ZBBX: variants seen among roughly 807,000 people sequenced by gnomAD.
ZBBX encodes the protein zinc finger B-box domain containing.
A neutral mutation model predicts 108.5 loss-of-function variants in ZBBX; 101 were observed. The observed-to-expected ratio is 0.93, with a 90% CI of 0.79 to 1.10. ZBBX has a LOEUF of 1.10. Ranked by LOEUF, ZBBX falls within the 50% of genes least tolerant of loss-of-function variation. The probability of loss-of-function intolerance (pLI) is 0.00; values close to 1 mark genes in which losing one functional copy is unlikely to be tolerated. For synonymous variants in ZBBX, 356 were observed against 323.4 expected, an observed-to-expected ratio of 1.10 and a Z score of -1.08; for missense variants, 1,009 against 941.4, an observed-to-expected ratio of 1.07 and a Z score of -0.94.
At chr3:167,222,932 AAGACTT>A in the ZBBX span, among the ~76,000 whole-genome samples, 1 of 151,960 alleles carries the variant, frequency 6.6e-6, no homozygotes, top group Non-Finnish European at 1.5e-5. Flanking sequence ...AAATAGCTAC[AAGACTT>A]AGAATGTTGC....
chr3:167,226,997 G>T, the ZBBX span, among the ~76,000 whole-genome samples: 7 of 151,868 alleles, frequency 4.6e-5, no homozygotes, highest in East Asian at 1.2e-3. Context: ...GATATGAGTT[G>T]TATCTATCCA....
rs2108402751 is a variant in ZBBX, at chr3:167,333,841, T to C, written c.673A>G (p.Arg225Gly). ...QHKPKSVLLQ[R>G]SSSEVEITTM... ...CCTCAGTTTACCTCAGAGCTGCTCC[T>C]CTGGAGAAGTACAGATTTGGGTTTA... Residue 225 changes from arginine (R) to glycine (G), a missense_variant, in exon 10 of 22, where the codon AGG becomes GGG. Coordinates refer to ENST00000675490, the MANE Select transcript of ZBBX (RefSeq NM_001199201.2). The C allele has an allele frequency of 6.2e-7, 1 of 1,607,660 alleles. No individual in the cohort carries two copies. The highest frequency in any genetic ancestry group is 1.3e-5 in the African/African-American group (1 of 74,684).
At chr3:167,295,428 A>T (rs1731467729) in intron 18 of ZBBX, among the ~76,000 whole-genome samples, 1 of 152,036 alleles carries the variant, frequency 6.6e-6, no homozygotes, top group Non-Finnish European at 1.5e-5. Context: ...TTCTCAGCAA[A>T]CTATCACAAG....
the ZBBX span, among the ~76,000 whole-genome samples, chr3:167,207,457 C>T: frequency 3.3e-5 from 5 of 152,260 alleles, no homozygotes; most frequent in East Asian, 9.7e-4. Flanking sequence ...TCCAGTGCTG[C>T]CTCTATTATC....
the ZBBX span, among the ~76,000 whole-genome samples, chr3:167,213,047 C>T: frequency 7.2e-6 from 1 of 138,890 alleles, no homozygotes; most frequent in Admixed American, 7.1e-5. Flanking sequence ...TGACTGGGCT[C>T]AATCTACACT....
At chr3:167,379,954 TCATTTATC>T (rs1255830130) in intron 1 of ZBBX, among the ~76,000 whole-genome samples, 162 bp from the exon 2 acceptor site, 1 of 152,198 alleles carries the variant, frequency 6.6e-6, no homozygotes, top group Non-Finnish European at 1.5e-5. Context: ...CACTCTTGAT[TCATTTATC>T]CATTAGCATT....
chr3:167,274,829 C>T (rs920280278), intron 20 of ZBBX, among the ~76,000 whole-genome samples: 4 of 152,114 alleles, frequency 2.6e-5, no homozygotes, highest in Non-Finnish European at 5.9e-5. Context: ...GACCCCAGCC[C>T]ATGGGGGAAG....
intron 6 of ZBBX, 95 bp from the exon 7 acceptor site, chr3:167,360,818 C>T (rs542135220): frequency 8.1e-6 from 5 of 618,562 alleles, no homozygotes; most frequent in African/African-American, 7.8e-5. Flanking sequence ...AGCTTTGGTG[C>T]TTTTCGAACA....
At chr3:167,325,582 G>A (rs1158045497) in intron 11 of ZBBX, among the ~76,000 whole-genome samples, 1 of 152,058 alleles carries the variant, frequency 6.6e-6, no homozygotes, top group African/African-American at 2.4e-5. Context: ...CGTGGGCATT[G>A]CACTTCTTCA....
At chr3:167,326,719 C>T (rs1737446316) in intron 11 of ZBBX, among the ~76,000 whole-genome samples, 1 of 151,822 alleles carries the variant, frequency 6.6e-6, no homozygotes, top group Non-Finnish European at 1.5e-5. Context: ...ACTAAGAAGA[C>T]AGCATCCAAA....
chr3:167,201,305 A>T, the ZBBX span, among the ~76,000 whole-genome samples: 6 of 152,154 alleles, frequency 3.9e-5, no homozygotes, highest in Non-Finnish European at 7.4e-5. Context: ...TGGTATTTCT[A>T]CAACATATGT....
intron 20 of ZBBX, among the ~76,000 whole-genome samples, chr3:167,253,077 G>A (rs745496104): frequency 1.3e-5 from 2 of 152,046 alleles, no homozygotes; most frequent in Non-Finnish European, 1.5e-5. Flanking sequence ...ATGGATTATT[G>A]ACTTTTTCCT....
chr3:167,232,747 G>A, the ZBBX span, among the ~76,000 whole-genome samples: 1 of 151,810 alleles, frequency 6.6e-6, no homozygotes, highest in African/African-American at 2.4e-5. Context: ...TGATAACTTA[G>A]AGAACAAAAT....
intron 20 of ZBBX, chr3:167,248,483 C>G: frequency 7.4e-6 from 2 of 269,070 alleles, no homozygotes; most frequent in Admixed American, 4.0e-5. Flanking sequence ...AGAGGCGTCC[C>G]CCACCACCAA....
At chr3:167,345,250 C>T (rs1741233952) in intron 9 of ZBBX, among the ~76,000 whole-genome samples, 1 of 151,818 alleles carries the variant, frequency 6.6e-6, no homozygotes, top group South Asian at 2.1e-4. Flanking sequence ...AAGAGTCCTT[C>T]TCACAAGGTC....
At chr3:167,234,477 CTGTT>C in the ZBBX span, among the ~76,000 whole-genome samples, 2 of 151,794 alleles carry the variant, frequency 1.3e-5, no homozygotes, top group East Asian at 1.9e-4. Flanking sequence ...GAGGAGGTCT[CTGTT>C]TGTATAACTA....
chr3:167,314,516 A>T (rs1193320826), intron 15 of ZBBX, among the ~76,000 whole-genome samples: 2 of 152,212 alleles, frequency 1.3e-5, no homozygotes, highest in African/African-American at 4.8e-5. Context: ...ATGAGTTTAA[A>T]AGCAGTATGT....
chr3:167,288,320 C>T (rs1576899836), intron 19 of ZBBX, among the ~76,000 whole-genome samples: 1 of 152,034 alleles, frequency 6.6e-6, no homozygotes, highest in African/African-American at 2.4e-5. Context: ...AAGAATTATT[C>T]TATGGAAAAT....
At chr3:167,331,033 G>C in intron 10 of ZBBX, among the ~76,000 whole-genome samples, 1 of 145,814 alleles carries the variant, frequency 6.9e-6, no homozygotes, top group Admixed American at 7.1e-5. Flanking sequence ...CAAGAAGGCA[G>C]CCATCTAAAA....
Sources: gnomAD v4.1 joint callset for allele counts (sites outside exome capture counted in the v4.1 genomes callset) on GRCh38, gnomAD v4.1.1 for gene constraint, MANE v1.5 for transcripts, NCBI Gene and HGNC (gene_info 2026-07-23, HGNC 2026-07-21) for gene names.